MAGI1: variants seen among roughly 807,000 people sequenced by gnomAD.
MAGI1 encodes membrane-associated guanylate kinase, WW and PDZ domain-containing protein 1.
MAGI1 carries 58 observed loss-of-function variants against 139.9 expected under a neutral mutation model. The observed-to-expected ratio is 0.41, with a 90% CI of 0.34 to 0.52. The LOEUF is 0.52. Among genes scored for constraint, MAGI1 ranks in the 20% least tolerant of loss-of-function variants. MAGI1 has a pLI of 0.12. For missense variants in MAGI1, 1,874 were observed against 1,901.6 expected, an observed-to-expected ratio of 0.99 and a Z score of 0.27; for synonymous variants, 812 against 737.9, an observed-to-expected ratio of 1.10 and a Z score of -1.63.
intron 2 of MAGI1, among the ~76,000 whole-genome samples, chr3:65,578,983 C>T (rs917683787): frequency 5.9e-5 from 9 of 151,462 alleles, no homozygotes; most frequent in Non-Finnish European, 1.5e-5. Context: ...ATATTCCCTG[C>T]AAGCTCTCCT....
At chr3:65,571,336 G>C (rs2080950873) in intron 2 of MAGI1, among the ~76,000 whole-genome samples, 1 of 152,034 alleles carries the variant, frequency 6.6e-6, no homozygotes, top group African/African-American at 2.4e-5. Context: ...TTCAGAAAAT[G>C]TGGAAGAAAT....
At chr3:65,627,608 C>G (rs146556037) in intron 1 of MAGI1, among the ~76,000 whole-genome samples, 1,988 of 145,778 alleles carry the variant, frequency 0.014, 19 homozygotes, top group Middle Eastern at 0.025. Flanking sequence ...CCCGGGTTCA[C>G]GCCATCCTCC....
At chr3:65,829,362 A>G (rs78025743) in intron 1 of MAGI1, among the ~76,000 whole-genome samples, 4,390 of 152,290 alleles carry the variant, frequency 0.029, 105 homozygotes, top group Middle Eastern at 0.044. Flanking sequence ...CCAGTGTGAT[A>G]GTATCAAGAA....
chr3:65,386,386 G>A (rs746262880), intron 14 of MAGI1, among the ~76,000 whole-genome samples: 1 of 152,108 alleles, frequency 6.6e-6, no homozygotes, highest in Non-Finnish European at 1.5e-5. Flanking sequence ...AGAAAACACA[G>A]ACATAAACGT....
chr3:65,418,975 C>T (rs13078969), intron 12 of MAGI1, among the ~76,000 whole-genome samples: 1 of 152,168 alleles, frequency 6.6e-6, no homozygotes, highest in Non-Finnish European at 1.5e-5. Flanking sequence ...TTCTGTGATA[C>T]AACGCTTTCC....
intron 1 of MAGI1, among the ~76,000 whole-genome samples, chr3:65,868,128 C>A (rs986071937): frequency 1.3e-5 from 2 of 152,142 alleles, no homozygotes; most frequent in African/African-American, 4.8e-5. Flanking sequence ...TTTCCTACCA[C>A]AGCCTCTCCT....
chr3:65,957,780 T>C (rs2107041165), intron 1 of MAGI1, among the ~76,000 whole-genome samples: 1 of 152,246 alleles, frequency 6.6e-6, no homozygotes, highest in South Asian at 2.1e-4. Context: ...TGTTTTGTTT[T>C]GTTTTGGGAT....
chr3:65,494,661 T>C (rs911608213), intron 2 of MAGI1, among the ~76,000 whole-genome samples: 3 of 152,242 alleles, frequency 2.0e-5, no homozygotes, highest in Admixed American at 6.5e-5. Context: ...AGCAACGATA[T>C]TTCCCTATGT....
At chr3:66,013,356 T>C (rs1016750270) in intron 1 of MAGI1, among the ~76,000 whole-genome samples, 14 of 149,772 alleles carry the variant, frequency 9.3e-5, no homozygotes, top group African/African-American at 3.5e-4. Context: ...TGAGCAAAGA[T>C]TGCACCACTG....
chr3:65,809,677 C>A (rs919447643), intron 1 of MAGI1, among the ~76,000 whole-genome samples: 1 of 152,184 alleles, frequency 6.6e-6, no homozygotes, highest in African/African-American at 2.4e-5. Flanking sequence ...AGCCCTGGAG[C>A]CCTGAGGCCA....
intron 2 of MAGI1, among the ~76,000 whole-genome samples, chr3:65,524,193 A>C (rs1486959889): frequency 6.6e-6 from 1 of 152,198 alleles, no homozygotes; most frequent in Non-Finnish European, 1.5e-5. Flanking sequence ...ATGTACTCTC[A>C]AATCACAAAG....
At chr3:65,905,179 T>C (rs2061386998) in intron 1 of MAGI1, among the ~76,000 whole-genome samples, 1 of 152,160 alleles carries the variant, frequency 6.6e-6, no homozygotes, top group Non-Finnish European at 1.5e-5. Flanking sequence ...TCAGCTAGGG[T>C]TGAGAACTAC....
intron 1 of MAGI1, among the ~76,000 whole-genome samples, chr3:65,840,825 CTCT>C (rs2058778552): frequency 1.3e-5 from 2 of 152,174 alleles, no homozygotes; most frequent in African/African-American, 2.4e-5. Flanking sequence ...GAATTATTTC[CTCT>C]TCTTCTATTT....
intron 4 of MAGI1, among the ~76,000 whole-genome samples, chr3:65,472,858 T>C (rs1054659619): frequency 1.2e-4 from 18 of 152,140 alleles, no homozygotes; most frequent in Non-Finnish European, 1.9e-4. Context: ...ATCTCCCAAG[T>C]TTTCAATCTT....
chr3:65,372,210 C>T (rs747745696), intron 18 of MAGI1, among the ~76,000 whole-genome samples: 2 of 152,202 alleles, frequency 1.3e-5, no homozygotes, highest in Non-Finnish European at 2.9e-5. Flanking sequence ...TCTTGATCCA[C>T]GAGTTGCAGA....
At chr3:65,747,590 C>A (rs1441687990) in intron 1 of MAGI1, among the ~76,000 whole-genome samples, 4 of 152,044 alleles carry the variant, frequency 2.6e-5, no homozygotes, top group African/African-American at 9.7e-5. Flanking sequence ...GGAATAAAAG[C>A]TCTTTGGTGT....
At chr3:66,015,234 C>A (rs1348489059) in intron 1 of MAGI1, among the ~76,000 whole-genome samples, 1 of 149,676 alleles carries the variant, frequency 6.7e-6, no homozygotes, top group Non-Finnish European at 1.5e-5. Context: ...AGACATAATA[C>A]ACACGTACTA....
chr3:65,575,031 A>G (rs1273400984), intron 2 of MAGI1, among the ~76,000 whole-genome samples: 1 of 152,118 alleles, frequency 6.6e-6, no homozygotes, highest in Non-Finnish European at 1.5e-5. Flanking sequence ...CACCAAAACC[A>G]CAATCTATTA....
chr3:65,719,216 A>T (rs2032682077), intron 1 of MAGI1, among the ~76,000 whole-genome samples: 1 of 151,960 alleles, frequency 6.6e-6, no homozygotes. Context: ...ACTGCTATAG[A>T]TTTATTTGAA....
Sources: allele counts gnomAD v4.1 joint callset (sites outside exome capture counted in the v4.1 genomes callset), GRCh38; gene constraint gnomAD v4.1.1; transcripts MANE v1.5; gene names NCBI Gene and HGNC (gene_info 2026-07-23, HGNC 2026-07-21).